Variants in TET3 observed in about 807,000 individuals in gnomAD.
TET3 encodes the protein methylcytosine dioxygenase TET3.
Under a neutral mutation model 141.4 loss-of-function variants are expected in TET3, and 19 were observed. The ratio of observed to expected loss-of-function variants is 0.13; its 90% CI spans 0.09 to 0.20. The LOEUF is 0.20. Ranked by LOEUF, TET3 falls within the 10% of genes least tolerant of loss-of-function variation. The pLI, the probability that TET3 is intolerant of heterozygous loss-of-function variation, is 1.00. For missense variants in TET3, 1,874 were observed against 2,356.9 expected (o/e 0.80, Z 4.24); for synonymous variants, 1,043 against 980.9 (o/e 1.06, Z -1.18).
At chr2:74,078,335 A>G (rs1298733321) in intron 5 of TET3, among the ~76,000 whole-genome samples, 1 of 152,226 alleles carries the variant, frequency 6.6e-6, no homozygotes, top group Non-Finnish European at 1.5e-5. Flanking sequence ...TTACAAAGAT[A>G]TTTGTATATA....
intron 10 of TET3, among the ~76,000 whole-genome samples, chr2:74,097,195 GCACACACACA>G (rs146612512): frequency 1.6e-4 from 22 of 138,030 alleles, no homozygotes; most frequent in Admixed American, 2.2e-4. Flanking sequence ...AGCCATACAT[GCACACACACA>G]CACACACACA....
At chr2:74,117,117 GAAGGTA>G in the TET3 span, among the ~76,000 whole-genome samples, 10 of 152,170 alleles carry the variant, frequency 6.6e-5, no homozygotes, top group Non-Finnish European at 1.2e-4. Flanking sequence ...CTTGTGTTTT[GAAGGTA>G]AAGAGATAAA....
intron 3 of TET3, among the ~76,000 whole-genome samples, chr2:74,020,444 G>A (rs1160130033): frequency 1.3e-5 from 2 of 152,202 alleles, no homozygotes; most frequent in African/African-American, 2.4e-5. Flanking sequence ...AAAGTGTTGG[G>A]ATTACAGGCA....
rs199648682 is a variant in TET3 at position 74,047,641 on chromosome 2, C to A, written c.1724C>A (p.Pro575His). The A allele has an allele frequency of 2.2e-4, 359 of 1,613,408 alleles. No individual in the cohort carries two copies. Among genetic ancestry groups the A allele is most frequent in the Non-Finnish European group, 2.9e-4 (347 of 1,179,704 alleles). The change falls in exon 4 of 12, where the codon CCC becomes CAC. Residue 575 changes from proline to histidine, a missense_variant. Transcript: ENST00000409262. The part of the protein sequence containing the change: ...SPVPRLPDRP[P>H]KEKKKKLPTP... The stretch of plus-strand genomic sequence containing the variant: ...GTCCCACGGCTTCCAGACAGACCAC[C>A]CAAGGAGAAGAAGAAGAAGCTCCCA...
At chr2:73,993,456 G>C (rs993130294) in intron 2 of TET3, 3 of 152,238 alleles carry the variant, frequency 2.0e-5, no homozygotes, top group Non-Finnish European at 2.9e-5. Flanking sequence ...ATGAAAGTTT[G>C]AGGAGCTGTC....
chr2:74,073,703 C>G, intron 5 of TET3, 64 bp downstream of exon 5: 1 of 1,346,776 alleles, frequency 7.4e-7, no homozygotes, highest in Admixed American at 2.4e-5. Flanking sequence ...GGATATTAAG[C>G]GCCTCTCATT....
chr2:74,002,892 G>GA, intron 2 of TET3: 1 of 578,632 alleles, frequency 1.7e-6, no homozygotes, highest in Non-Finnish European at 3.1e-6. Context: ...GAGGAGAAAT[G>GA]AAAACAAAAA....
At chr2:74,040,571 C>T (rs1687288991) in intron 3 of TET3, among the ~76,000 whole-genome samples, 1 of 152,016 alleles carries the variant, frequency 6.6e-6, no homozygotes, top group African/African-American at 2.4e-5. Context: ...ACGGCATGGT[C>T]TAGGGGTTGG....
the TET3 span, among the ~76,000 whole-genome samples, chr2:74,114,300 TC>T: frequency 4.7e-5 from 5 of 106,790 alleles, no homozygotes; most frequent in South Asian, 2.3e-3. Flanking sequence ...CCTTGGGGAC[TC>T]GGGGGGGAGG....
chr2:74,005,963 AGGCTCCCACAC>A (rs1685132248), intron 3 of TET3, among the ~76,000 whole-genome samples: 2 of 151,952 alleles, frequency 1.3e-5, no homozygotes, highest in African/African-American at 2.4e-5. Flanking sequence ...CCTGCTTTCA[AGGCTCCCACAC>A]GGCTCCCACA....
At chr2:74,091,838 ACT>A (rs1186918159) in intron 8 of TET3, among the ~76,000 whole-genome samples, 8 of 152,034 alleles carry the variant, frequency 5.3e-5, no homozygotes, top group Non-Finnish European at 1.0e-4. Flanking sequence ...GATACCTGGA[ACT>A]CTCTGCCACA....
chr2:74,069,474 A>C (rs570328062), intron 4 of TET3, among the ~76,000 whole-genome samples: 1 of 151,722 alleles, frequency 6.6e-6, no homozygotes, highest in African/African-American at 2.4e-5. Context: ...AAGTACCTGA[A>C]ACATTCACAT....
chr2:74,122,511 A>ATATATATAT, the TET3 span: 6 of 47,558 alleles, frequency 1.3e-4, no homozygotes, highest in African/African-American at 4.8e-4. Context: ...ATATATATAT[A>ATATATATAT]TTTTTTTTTT....
chr2:74,123,249 CGGCAAAGAT>C, the TET3 span: 4 of 152,216 alleles, frequency 2.6e-5, no homozygotes, highest in South Asian at 6.2e-4. Flanking sequence ...TGAATTCAGG[CGGCAAAGAT>C]GGCAGTGAGC....
At position 73,986,516 on chromosome 2, in the gene TET3, C is replaced by T; in HGVS notation, c.113C>T (p.Ala38Val). 2.4e-6 allele frequency: 3 copies of T among 1,232,236 alleles called. 1 individual carries two copies. The Middle Eastern group carries it at 9.3e-4, about 384-fold the overall frequency. 76.3% of individuals were successfully genotyped at this position (1,232,236 alleles called of 1,614,324 possible). A position where few individuals can be genotyped will look rare whatever the true frequency, so the allele number is the denominator to read the frequency against. The change falls in exon 2 of 12, where the codon GCT becomes GTT. Residue 38 changes from alanine (A) to valine (V), a missense_variant. Physicochemically the swap from Ala to Val is moderately conservative, Grantham distance 64 (BLOSUM62 0). Transcript: ENST00000409262. Reference protein sequence around the residue: ...GSFPGSGLSMAGSESQLRGGG... With the variant: ...GSFPGSGLSMVGSESQLRGGG... ...TTCCCGGGGTCTGGGCTCTCCATGG[C>T]TGGGAGTGAGTCCCAACTCCGAGGG... is the stretch of plus-strand genomic sequence containing the variant.
the TET3 span, among the ~76,000 whole-genome samples, chr2:74,132,143 C>T: frequency 2.6e-5 from 4 of 152,138 alleles, no homozygotes; most frequent in South Asian, 2.1e-4. Context: ...AAGAATAGAA[C>T]CCCCTCTTCT....
intron 6 of TET3, 108 bp downstream of exon 6, chr2:74,080,699 C>A: frequency 4.9e-6 from 2 of 405,066 alleles, no homozygotes; most frequent in Non-Finnish European, 7.5e-6. Flanking sequence ...CAGGCGAGGG[C>A]GGGGGGTGGG....
rs1168580717 is a variant in TET3, at chr2:74,077,843, C to A, written c.2586-2655C>A. Among the ~76,000 whole-genome samples the A allele has an allele frequency of 2.4e-4, 36 of 152,218 alleles. 1 individual carries two copies. The highest frequency in any genetic ancestry group is 2.4e-3 in the Admixed American group (36 of 15,288). On this transcript the variant is annotated intron_variant, in intron 5 of 11. Coordinates refer to ENST00000409262, the MANE Select transcript of TET3 (RefSeq NM_001287491.2). ...AGGAGTGTGGTCACCTCAGGCTGTT[C>A]TCCCAACAGGGATCTCCACGACACA...
Position 73,984,943 on chromosome 2 carries a change from T to TGCCGCC in TET3, c.-636_-631dup, listed in dbSNP as rs927903251. 6.8e-6 allele frequency among the ~76,000 whole-genome samples: 1 copy of TGCCGCC among 146,140 alleles called. No homozygotes were observed. Among genetic ancestry groups the TGCCGCC allele is most frequent in the African/African-American group, 2.5e-5 (1 of 40,410 alleles). ...CGGACGCCTTCATTGCTGCTGCTGC[T>TGCCGCC]GCCGCCGCGGCCGCCGCTGCCTCTT... On this transcript the variant is annotated 5_prime_UTR_variant, in exon 1 of 12. Coordinates refer to ENST00000409262, the MANE Select transcript of TET3 (RefSeq NM_001287491.2). The surrounding 1 kb of genome is among the most constrained non-coding windows in gnomAD (Gnocchi z 5.6).
Sources: allele counts gnomAD v4.1 joint callset (sites outside exome capture counted in the v4.1 genomes callset), GRCh38; gene constraint gnomAD v4.1.1; non-coding constraint Gnocchi (gnomAD v3.1); transcripts MANE v1.5; gene names NCBI Gene and HGNC (gene_info 2026-07-23, HGNC 2026-07-21).